DPH6: variants seen among roughly 807,000 people sequenced by gnomAD.
DPH6 encodes the protein diphthine--ammonia ligase.
In DPH6, 33 loss-of-function variants were observed where a neutral mutation model predicts 38.2. That is an observed-to-expected ratio of 0.86 (90% confidence interval 0.65 to 1.15). The LOEUF (loss-of-function observed/expected upper bound fraction) is 1.15. Ranked by LOEUF, DPH6 falls within the 50% of genes most tolerant of loss-of-function variation. The pLI is 0.00. For missense variants in DPH6, 325 were observed against 320.0 expected (o/e 1.02, Z -0.12); for synonymous variants, 108 against 103.0 (o/e 1.05, Z -0.30).
intron 5 of DPH6, among the ~76,000 whole-genome samples, chr15:35,429,061 C>T (rs1022609205): frequency 6.6e-6 from 1 of 152,014 alleles, no homozygotes; most frequent in Non-Finnish European, 1.5e-5. Context: ...AATTGAGATC[C>T]AATTGTTTAC....
chr15:35,515,203 T>C (rs1164882486), intron 3 of DPH6, among the ~76,000 whole-genome samples: 3 of 151,732 alleles, frequency 2.0e-5, no homozygotes, highest in Non-Finnish European at 4.4e-5. Flanking sequence ...TTATAAATAA[T>C]AGTTATATAT....
At chr15:35,496,501 G>C (rs920494089) in intron 3 of DPH6, among the ~76,000 whole-genome samples, 17 of 141,252 alleles carry the variant, frequency 1.2e-4, no homozygotes, top group African/African-American at 4.5e-4. Flanking sequence ...GTTGCAGTGA[G>C]CTGAAATTGG....
chr15:35,220,733 T>C (rs908609915), intron 3 of DPH6, among the ~76,000 whole-genome samples: 1 of 152,102 alleles, frequency 6.6e-6, no homozygotes, highest in East Asian at 1.9e-4. Context: ...GTTGCAATGG[T>C]AATTAAATTT....
intron 5 of DPH6, among the ~76,000 whole-genome samples, chr15:35,429,374 T>C (rs2053605888): frequency 6.6e-6 from 1 of 152,184 alleles, no homozygotes; most frequent in Non-Finnish European, 1.5e-5. Flanking sequence ...CTCGTCATTT[T>C]TAGTCCCTAA....
intron 3 of DPH6, among the ~76,000 whole-genome samples, chr15:35,461,582 A>G (rs900132446): frequency 4.7e-5 from 7 of 149,860 alleles, no homozygotes; most frequent in Admixed American, 2.0e-4. Flanking sequence ...CTTAGTTGTG[A>G]TCTTTTTTTT....
At chr15:35,266,538 C>T (rs970578394) in intron 3 of DPH6, among the ~76,000 whole-genome samples, 1 of 152,136 alleles carries the variant, frequency 6.6e-6, no homozygotes, top group Non-Finnish European at 1.5e-5. Context: ...TGTCAAGCAA[C>T]TAACATAAAT....
intron 3 of DPH6, among the ~76,000 whole-genome samples, chr15:35,283,954 A>T (rs73393312): frequency 6.6e-6 from 1 of 152,198 alleles, no homozygotes. Context: ...TCTTTGCTGT[A>T]GTAATTTGAG....
chr15:35,543,183 C>G (rs1453765438), intron 1 of DPH6, among the ~76,000 whole-genome samples: 1 of 145,786 alleles, frequency 6.9e-6, no homozygotes, highest in Admixed American at 6.9e-5. Context: ...TGCTGACTTA[C>G]ACTGATGACG....
chr15:35,280,345 A>G (rs1360012008), intron 3 of DPH6, among the ~76,000 whole-genome samples: 1 of 152,184 alleles, frequency 6.6e-6, no homozygotes, highest in Non-Finnish European at 1.5e-5. Context: ...TGATAACCAG[A>G]GAGTCTTAAG....
chr15:35,362,729 G>T (rs2052624307), intron 3 of DPH6, among the ~76,000 whole-genome samples: 1 of 152,130 alleles, frequency 6.6e-6, no homozygotes, highest in Non-Finnish European at 1.5e-5. Context: ...TGATCTTTCT[G>T]ATCACACCAA....
chr15:35,484,920 A>T (rs2054376773), intron 3 of DPH6, among the ~76,000 whole-genome samples: 1 of 152,224 alleles, frequency 6.6e-6, no homozygotes, highest in Non-Finnish European at 1.5e-5. Flanking sequence ...AGAAACTAAA[A>T]GCAAGAAAGC....
chr15:35,392,453 C>T (rs1431741003), intron 6 of DPH6, among the ~76,000 whole-genome samples: 1 of 150,914 alleles, frequency 6.6e-6, no homozygotes, highest in Non-Finnish European at 1.5e-5. Flanking sequence ...CTTTCACCTC[C>T]ACCTAGAGGA....
At chr15:35,205,320 T>A in the DPH6 span, among the ~76,000 whole-genome samples, 1 of 151,908 alleles carries the variant, frequency 6.6e-6, no homozygotes, top group African/African-American at 2.4e-5. Context: ...GTTATCAGGG[T>A]GTATTTTGTC....
intron 3 of DPH6, among the ~76,000 whole-genome samples, chr15:35,514,700 G>T (rs1266188414): frequency 1.3e-5 from 2 of 152,054 alleles, no homozygotes; most frequent in African/African-American, 2.4e-5. Flanking sequence ...GGAAGACCAG[G>T]GGAGAGAAAC....
intron 3 of DPH6, among the ~76,000 whole-genome samples, chr15:35,339,814 A>G (rs2052406456): frequency 6.6e-6 from 1 of 152,154 alleles, no homozygotes; most frequent in Non-Finnish European, 1.5e-5. Flanking sequence ...TTATGTGATC[A>G]ACTTTAGAGT....
chr15:35,300,661 G>A (rs1595467584), intron 3 of DPH6, among the ~76,000 whole-genome samples: 2 of 152,150 alleles, frequency 1.3e-5, no homozygotes, highest in South Asian at 2.1e-4. Context: ...AAACTATTAC[G>A]TTGGGTATTA....
chr15:35,285,865 T>A (rs956736165), intron 3 of DPH6, among the ~76,000 whole-genome samples: 13 of 138,124 alleles, frequency 9.4e-5, no homozygotes, highest in Admixed American at 1.6e-4. Context: ...TATCATTTTA[T>A]CTTTGAGTTT....
chr15:35,245,652 A>G (rs1276430263), intron 3 of DPH6, among the ~76,000 whole-genome samples: 2 of 152,194 alleles, frequency 1.3e-5, no homozygotes, highest in African/African-American at 4.8e-5. Flanking sequence ...TTCATTTTCC[A>G]AGAAGACTTA....
At chr15:35,173,262 C>G in the DPH6 span, among the ~76,000 whole-genome samples, 1 of 152,200 alleles carries the variant, frequency 6.6e-6, no homozygotes, top group African/African-American at 2.4e-5. Flanking sequence ...ACTCAGTTGT[C>G]CAAAGCTGTA....
Sources: allele counts gnomAD v4.1 joint callset (sites outside exome capture counted in the v4.1 genomes callset), GRCh38; gene constraint gnomAD v4.1.1; transcripts MANE v1.5; gene names NCBI Gene and HGNC (gene_info 2026-07-23, HGNC 2026-07-21).